The following RCAN1 variants were observed in gnomAD, a reference collection of about 807,000 sequenced individuals.
RCAN1 encodes calcipressin-1.
In RCAN1, 11 loss-of-function variants were observed where a neutral mutation model predicts 22.9. That is an observed-to-expected ratio of 0.48 (90% confidence interval 0.30 to 0.79). The LOEUF (loss-of-function observed/expected upper bound fraction) is 0.79, where lower values mean the gene tolerates loss of function less well. Among genes scored for constraint, RCAN1 ranks in the 30% least tolerant of loss-of-function variants. RCAN1 has a pLI of 0.06. For missense variants in RCAN1, 291 were observed against 337.8 expected (o/e 0.86, Z 1.09); for synonymous variants, 136 against 142.3 (o/e 0.96, Z 0.32).
chr21:34,584,145 ATTTGTTGCC>A (rs982174520), intron 1 of RCAN1, among the ~76,000 whole-genome samples: 3 of 152,304 alleles, frequency 2.0e-5, no homozygotes, highest in Admixed American at 2.0e-4. Flanking sequence ...TCGTGCAACA[ATTTGTTGCC>A]TGTATTCTAG....
intron 1 of RCAN1, among the ~76,000 whole-genome samples, chr21:34,558,859 T>A (rs145518974): frequency 6.6e-6 from 1 of 152,146 alleles, no homozygotes. Flanking sequence ...AATGCTCCAA[T>A]GGAATTCAGG....
Position 34,578,861 on chromosome 21 carries a change from G to A in RCAN1, c.252+35899C>T, listed in dbSNP as rs538656063. Among the ~76,000 whole-genome samples, 7 of 152,308 alleles carry A rather than the reference G, an allele frequency of 4.6e-5. No individual in the cohort carries two copies. In the East Asian group the frequency reaches 7.7e-4, roughly 17 times the overall value. On this transcript the variant is annotated intron_variant, in intron 1 of 3. Coordinates refer to ENST00000313806, the MANE Select transcript of RCAN1 (RefSeq NM_004414.7). ...TGGGCTGTGGTCACACCATGCCTGGGAAGAGCGTAGCTGGGTTTCCCATCC... is the reference window on the plus strand; with the variant it reads ...TGGGCTGTGGTCACACCATGCCTGGAAAGAGCGTAGCTGGGTTTCCCATCC...
At chr21:34,534,473 A>T (rs746722410) in intron 1 of RCAN1, among the ~76,000 whole-genome samples, 13 of 152,140 alleles carry the variant, frequency 8.5e-5, no homozygotes, top group Non-Finnish European at 1.9e-4. Flanking sequence ...GGCAATCTTC[A>T]TACTACAACA....
intron 1 of RCAN1, among the ~76,000 whole-genome samples, chr21:34,600,440 G>A (rs560127999): frequency 1.3e-5 from 2 of 152,128 alleles, no homozygotes; most frequent in Non-Finnish European, 2.9e-5. Flanking sequence ...TTCTGAAAAG[G>A]TCTGTTTTTC....
chr21:34,553,704 C>T (rs572028112), intron 1 of RCAN1, among the ~76,000 whole-genome samples: 3 of 152,338 alleles, frequency 2.0e-5, no homozygotes, highest in South Asian at 4.1e-4. Flanking sequence ...TTCTAAAGGA[C>T]ACTGTATATT....
chr21:34,603,162 T>C (rs549452128), intron 1 of RCAN1, among the ~76,000 whole-genome samples: 2 of 152,150 alleles, frequency 1.3e-5, no homozygotes, highest in Non-Finnish European at 2.9e-5. Context: ...CTTTGATGCC[T>C]GAAATAAAGT....
chr21:34,592,581 C>T (rs139199589), intron 1 of RCAN1, among the ~76,000 whole-genome samples: 27 of 152,266 alleles, frequency 1.8e-4, no homozygotes, highest in African/African-American at 6.5e-4. Flanking sequence ...TTCCCTGAGG[C>T]CCCCTTCCCG....
chr21:34,528,909 G>T (rs1448708912), intron 1 of RCAN1, among the ~76,000 whole-genome samples: 6 of 151,592 alleles, frequency 4.0e-5, no homozygotes, highest in Admixed American at 3.9e-4. Context: ...TGAGACAACA[G>T]TGTGGGCTCA....
At chr21:34,556,528 A>G (rs892244784) in intron 1 of RCAN1, among the ~76,000 whole-genome samples, 1 of 152,022 alleles carries the variant, frequency 6.6e-6, no homozygotes, top group Non-Finnish European at 1.5e-5. Context: ...GGCTTTCACA[A>G]TAAAATGTAC....
At chr21:34,610,457 G>A (rs1387381545) in intron 1 of RCAN1, among the ~76,000 whole-genome samples, 1 of 152,160 alleles carries the variant, frequency 6.6e-6, no homozygotes, top group Non-Finnish European at 1.5e-5. Context: ...CAACAATCAG[G>A]AGAAGGAAGC....
chr21:34,590,205 C>A (rs1987927188), intron 1 of RCAN1, among the ~76,000 whole-genome samples: 1 of 152,192 alleles, frequency 6.6e-6, no homozygotes, highest in Non-Finnish European at 1.5e-5. Context: ...CCCTCCAGGG[C>A]CCCATCAGCA....
chr21:34,523,565 C>T lies in RCAN1; in HGVS notation c.398G>A (p.Gly133Glu), dbSNP rs373080595. The change falls in exon 2 of 4, where the codon GGA becomes GAA. Residue 133 changes from glycine to glutamate, a missense_variant. Gly to Glu is a moderately conservative substitution (Grantham distance 98). Coordinates refer to ENST00000313806, the MANE Select transcript of RCAN1 (RefSeq NM_004414.7). ...RLQLHKTEFL[G>E]KEMKLYFAQT... is the part of the protein sequence containing the mutation. ...AGCAAAATATAACTTCATTTCCTTT[C>T]CCAGAAACTCAGTCTTATGCAGCTG... 4 of 1,614,054 alleles carry T rather than the reference C, an allele frequency of 2.5e-6. No homozygotes were observed. The highest frequency in any genetic ancestry group is 3.4e-6 in the Non-Finnish European group (4 of 1,180,004).
intron 1 of RCAN1, among the ~76,000 whole-genome samples, chr21:34,538,164 C>A (rs1448277806): frequency 6.6e-6 from 1 of 152,140 alleles, no homozygotes; most frequent in Admixed American, 6.5e-5. Context: ...GAATGGCATT[C>A]GAAGACACAG....
chr21:34,599,407 G>T (rs1988263145), intron 1 of RCAN1, among the ~76,000 whole-genome samples: 1 of 152,162 alleles, frequency 6.6e-6, no homozygotes, highest in Non-Finnish European at 1.5e-5. Flanking sequence ...CCGGGAGGTG[G>T]AGGTTGCAGT....
intron 1 of RCAN1, among the ~76,000 whole-genome samples, chr21:34,541,330 T>C (rs2123624453): frequency 6.6e-6 from 1 of 152,314 alleles, no homozygotes; most frequent in East Asian, 1.9e-4. Context: ...GGGAAAAAGA[T>C]ATACCTCTGC....
At chr21:34,585,694 G>T (rs1486337224) in intron 1 of RCAN1, among the ~76,000 whole-genome samples, 2 of 124,160 alleles carry the variant, frequency 1.6e-5, no homozygotes, top group Non-Finnish European at 3.2e-5. Flanking sequence ...AGTGAGCCGA[G>T]ATTGTGCCAC....
intron 3 of RCAN1, among the ~76,000 whole-genome samples, chr21:34,519,954 T>C (rs1323996915): frequency 6.6e-6 from 1 of 152,184 alleles, no homozygotes; most frequent in Non-Finnish European, 1.5e-5. Flanking sequence ...AATTCAGGCA[T>C]GGGAGGTCAG....
Position 34,518,284 on chromosome 21 carries a change from A to G in RCAN1, c.587-28T>C, listed in dbSNP as rs1298311019. ...AAGGAGGGAAAATAATCGCAGGGTC[A>G]CTCAGACAAGTCCTTGGGAGTCAAA... On this transcript the variant is annotated intron_variant, in intron 3 of 3. Coordinates refer to ENST00000313806, the MANE Select transcript of RCAN1 (RefSeq NM_004414.7). This position sits in a 1 kb window ranked among gnomAD's most constrained non-coding sequence, Gnocchi z 4.2. The G allele has an allele frequency of 1.6e-5, 25 of 1,610,394 alleles. No homozygotes were observed. The highest frequency in any genetic ancestry group is 2.1e-5 in the Non-Finnish European group (25 of 1,177,932).
At chr21:34,566,551 C>G (rs1444966972) in intron 1 of RCAN1, among the ~76,000 whole-genome samples, 1 of 124,254 alleles carries the variant, frequency 8.0e-6, no homozygotes, top group Non-Finnish European at 1.8e-5. Context: ...AGACCCAGGC[C>G]TTACCTGAAA....
Sources: allele counts gnomAD v4.1 joint callset (sites outside exome capture counted in the v4.1 genomes callset), GRCh38; gene constraint gnomAD v4.1.1; non-coding constraint Gnocchi (gnomAD v3.1); transcripts MANE v1.5; gene names NCBI Gene and HGNC (gene_info 2026-07-23, HGNC 2026-07-21).